The following RICTOR variants were observed in gnomAD, a reference collection of about 807,000 sequenced individuals.
RICTOR encodes rapamycin-insensitive companion of mTOR.
In RICTOR, 49 loss-of-function variants were observed where a neutral mutation model predicts 214.9. The observed-to-expected ratio is 0.23, with a 90% CI of 0.18 to 0.29. The LOEUF is 0.29. RICTOR is among the 10% of genes least tolerant of loss of function. The pLI is 1.00. For missense variants in RICTOR, 1,625 were observed against 2,047.0 expected (o/e 0.79, Z 3.98); for synonymous variants, 717 against 711.3 (o/e 1.01, Z -0.13).
chr5:39,074,278 CA>C (rs1179625483), intron 1 of RICTOR, 50 bp downstream of exon 1: 1 of 1,572,420 alleles, frequency 6.4e-7, no homozygotes, highest in African/African-American at 1.4e-5. Context: ...AGGCAAGTGC[CA>C]GGGGTGGCGG....
At chr5:39,030,648 T>C (rs575399526) in intron 2 of RICTOR, among the ~76,000 whole-genome samples, 1 of 152,298 alleles carries the variant, frequency 6.6e-6, no homozygotes, top group African/African-American at 2.4e-5. Context: ...TTTTAAGCTT[T>C]ATGAGGACAA....
chr5:38,990,868 T>TATATGATAGAC, intron 7 of RICTOR, 81 bp downstream of exon 7: 1 of 741,364 alleles, frequency 1.3e-6, no homozygotes, highest in South Asian at 2.2e-5. Context: ...ATATGATAGA[T>TATATGATAGAC]ATATGATAGA....
At position 39,002,680 on chromosome 5, in the gene RICTOR, A is replaced by G; in HGVS notation, c.261-14T>C. Reference sequence around the variant, plus strand: ...GCTAACCGCAAACTGTATGAAAACAAACAAAATACAAGTTTTGCTGCACAG... The same window carrying G: ...GCTAACCGCAAACTGTATGAAAACAGACAAAATACAAGTTTTGCTGCACAG... On this transcript the variant is annotated splice_polypyrimidine_tract_variant and intron_variant, in intron 4 of 37. Coordinates refer to ENST00000357387, the MANE Select transcript of RICTOR (RefSeq NM_152756.5). 1 of 1,587,402 alleles carries G rather than the reference A, an allele frequency of 6.3e-7. No homozygotes were observed. Among genetic ancestry groups the G allele is most frequent in the African/African-American group, 1.4e-5 (1 of 73,270 alleles).
chr5:38,951,240 C>T (rs1409418663), intron 30 of RICTOR, among the ~76,000 whole-genome samples: 1 of 151,900 alleles, frequency 6.6e-6, no homozygotes, highest in Non-Finnish European at 1.5e-5. Context: ...TACTAAGAAA[C>T]TCATTAAATT....
chr5:39,006,924 A>G (rs1258596244), intron 3 of RICTOR, among the ~76,000 whole-genome samples: 1 of 152,178 alleles, frequency 6.6e-6, no homozygotes, highest in East Asian at 1.9e-4. Context: ...AGACTTTCAA[A>G]GAGTATGTTT....
intron 2 of RICTOR, among the ~76,000 whole-genome samples, chr5:39,023,224 A>G (rs912674687): frequency 1.3e-5 from 2 of 152,196 alleles, no homozygotes; most frequent in African/African-American, 4.8e-5. Context: ...ATGCTTTAAA[A>G]AATACTTGCT....
At chr5:39,068,571 TG>T (rs1429563399) in intron 2 of RICTOR, among the ~76,000 whole-genome samples, 6 of 152,244 alleles carry the variant, frequency 3.9e-5, no homozygotes, top group Non-Finnish European at 2.9e-5. Flanking sequence ...TGTTTTGTTT[TG>T]TTTTTTTATT....
chr5:39,040,610 T>C (rs1409948906), intron 2 of RICTOR, among the ~76,000 whole-genome samples: 1 of 152,036 alleles, frequency 6.6e-6, no homozygotes, highest in Non-Finnish European at 1.5e-5. Context: ...CCTTCCAAGG[T>C]TCTTTTTCAA....
chr5:38,953,409 A>G, intron 28 of RICTOR, 52 bp downstream of exon 28: 1 of 792,652 alleles, frequency 1.3e-6, no homozygotes, highest in Non-Finnish European at 2.0e-6. Flanking sequence ...ATGAAAAAAA[A>G]ACTTAAAAAT....
chr5:39,011,513 A>G (rs1477840575), intron 3 of RICTOR, among the ~76,000 whole-genome samples: 1 of 152,134 alleles, frequency 6.6e-6, no homozygotes, highest in African/African-American at 2.4e-5. Context: ...AGATCCACCG[A>G]CAGCTTGCAC....
In RICTOR at chr5:38,964,105, CCATGT is replaced by C. The variant is rs550233253; in HGVS notation, c.1400+682_1400+686del. ...ACATCAAGCAAAAAAATAAAATCGT[CCATGT>C]ATGTTTTTGATCATAATAACAAAAT... is the stretch of plus-strand genomic sequence containing the variant. On this transcript the variant is annotated intron_variant, in intron 16 of 37. Transcript: ENST00000357387. 2.4e-4 allele frequency among the ~76,000 whole-genome samples: 37 copies of C among 151,894 alleles called. 1 individual carries two copies. In the East Asian group the frequency reaches 7.1e-3, roughly 29 times the overall value.
intron 5 of RICTOR, among the ~76,000 whole-genome samples, chr5:38,997,936 T>A (rs1385705003): frequency 1.3e-5 from 2 of 152,236 alleles, no homozygotes; most frequent in East Asian, 1.9e-4. Flanking sequence ...AAAATCTGCA[T>A]GCAGTGTTCT....
chr5:38,987,260 C>T (rs911084583), intron 7 of RICTOR, among the ~76,000 whole-genome samples: 1 of 152,144 alleles, frequency 6.6e-6, no homozygotes, highest in African/African-American at 2.4e-5. Flanking sequence ...GAAGGAGTTC[C>T]ACTTTTTCTA....
intron 6 of RICTOR, among the ~76,000 whole-genome samples, 191 bp downstream of exon 6, chr5:38,996,628 C>T (rs933067629): frequency 1.3e-5 from 2 of 152,230 alleles, no homozygotes; most frequent in African/African-American, 2.4e-5. Flanking sequence ...TACCCAATCA[C>T]ATAGAATTCC....
intron 10 of RICTOR, among the ~76,000 whole-genome samples, chr5:38,973,265 C>T (rs1178250948): frequency 6.6e-6 from 1 of 151,978 alleles, no homozygotes; most frequent in Non-Finnish European, 1.5e-5. Context: ...TAAATTTTAC[C>T]TCAAATCTCT....
At chr5:39,070,795 A>G (rs1237099384) in intron 2 of RICTOR, among the ~76,000 whole-genome samples, 1 of 152,216 alleles carries the variant, frequency 6.6e-6, no homozygotes, top group Non-Finnish European at 1.5e-5. Context: ...TACTGGACTG[A>G]TAAGACAGTC....
intron 2 of RICTOR, among the ~76,000 whole-genome samples, chr5:39,072,968 A>T (rs1438041293): frequency 6.6e-6 from 1 of 152,220 alleles, no homozygotes; most frequent in Non-Finnish European, 1.5e-5. Flanking sequence ...GTAATCTTAC[A>T]TCGTGATAAG....
chr5:38,961,935 C>T (rs1749828648), intron 19 of RICTOR, among the ~76,000 whole-genome samples: 1 of 151,992 alleles, frequency 6.6e-6, no homozygotes, highest in African/African-American at 2.4e-5. Context: ...ATGTAAACAG[C>T]AGTTATAATG....
chr5:38,995,562 AAAAAT>A lies in RICTOR; in HGVS notation c.456+1252_456+1256del, dbSNP rs901636125. Among the ~76,000 whole-genome samples the A allele has an allele frequency of 2.9e-4, 44 of 152,276 alleles. No homozygotes were observed. In the Middle Eastern group the frequency reaches 0.01, roughly 35 times the overall value. ...CCACCTGTACCCCAAAAATTATTGA[AAAAAT>A]AAAATAAAATAAAATATGGTTTTCA... On this transcript the variant is annotated intron_variant, in intron 6 of 37. Transcript: ENST00000357387.
Sources: gnomAD v4.1 joint callset for allele counts (sites outside exome capture counted in the v4.1 genomes callset) on GRCh38, gnomAD v4.1.1 for gene constraint, MANE v1.5 for transcripts, NCBI Gene and HGNC (gene_info 2026-07-23, HGNC 2026-07-21) for gene names.